The following GNAQ variants were observed in gnomAD, a reference collection of about 807,000 sequenced individuals.
The protein encoded by GNAQ is G protein subunit alpha q, also known as guanine nucleotide-binding protein G(q) subunit alpha.
In GNAQ, 8 loss-of-function variants were observed where a neutral mutation model predicts 43.9. That is an observed-to-expected ratio of 0.18 (90% CI 0.11 to 0.33). GNAQ has a LOEUF of 0.33. Ranked by LOEUF, GNAQ falls within the 10% of genes least tolerant of loss-of-function variation. GNAQ has a pLI of 1.00. For synonymous variants in GNAQ, 155 were observed against 170.7 expected, an observed-to-expected ratio of 0.91 and a Z score of 0.71; for missense variants, 158 against 450.8, an observed-to-expected ratio of 0.35 and a Z score of 5.88.
At chr9:78,011,467 C>G (rs1823771824) in intron 1 of GNAQ, among the ~76,000 whole-genome samples, 1 of 152,146 alleles carries the variant, frequency 6.6e-6, no homozygotes, top group East Asian at 1.9e-4. Context: ...AAGGTTTACT[C>G]TAGAAAACAG....
chr9:77,876,880 ACTTT>A (rs762600897), intron 2 of GNAQ, among the ~76,000 whole-genome samples: 19 of 152,172 alleles, frequency 1.2e-4, no homozygotes, highest in East Asian at 1.9e-4. Context: ...TCTCAACTTG[ACTTT>A]CTTTATCTCT....
chr9:77,864,693 A>T (rs563556173), intron 2 of GNAQ, among the ~76,000 whole-genome samples: 3 of 152,292 alleles, frequency 2.0e-5, no homozygotes, highest in East Asian at 3.9e-4. Context: ...TTGGGTTTTG[A>T]CCAGTAAGAC....
intron 1 of GNAQ, among the ~76,000 whole-genome samples, chr9:77,982,014 G>A (rs184241842): frequency 8.8e-4 from 134 of 152,206 alleles, no homozygotes; most frequent in African/African-American, 3.2e-3. Context: ...AAAGTCTCTT[G>A]GTATCTGATT....
chr9:77,728,737 TTATTTTA>T, intron 5 of GNAQ, 70 bp from the exon 6 acceptor site: 1 of 1,122,886 alleles, frequency 8.9e-7, no homozygotes, highest in Non-Finnish European at 1.3e-6. Flanking sequence ...TGAATTGTGT[TTATTTTA>T]TAAGTCCAAC....
At chr9:78,022,893 A>G (rs1443551651) in intron 1 of GNAQ, among the ~76,000 whole-genome samples, 1 of 152,234 alleles carries the variant, frequency 6.6e-6, no homozygotes, top group African/African-American at 2.4e-5. Flanking sequence ...TAACAAAAGT[A>G]AAGGCCACTG....
chr9:77,990,317 G>T (rs1564172149), intron 1 of GNAQ, among the ~76,000 whole-genome samples: 2 of 152,150 alleles, frequency 1.3e-5, no homozygotes, highest in Non-Finnish European at 2.9e-5. Context: ...GAACTCCTGG[G>T]TTCAATCTTC....
At chr9:77,887,392 T>A (rs891048472) in intron 2 of GNAQ, among the ~76,000 whole-genome samples, 1 of 152,246 alleles carries the variant, frequency 6.6e-6, no homozygotes, top group African/African-American at 2.4e-5. Flanking sequence ...GATTTAATAC[T>A]CCTTTTACCT....
rs1824065236 is a variant in GNAQ, at chr9:78,031,710, C to G, written c.-475G>C. 6.8e-6 allele frequency among the ~76,000 whole-genome samples: 1 copy of G among 147,594 alleles called. No individual in the cohort carries two copies. Among genetic ancestry groups the G allele is most frequent in the Non-Finnish European group, 1.5e-5 (1 of 66,286 alleles). ...GACGGCTCCCCGCGCCCGGCGCGCC[C>G]GCTCCTCGCCGCCGCCTGACACGGC... On this transcript the variant is annotated 5_prime_UTR_variant, in exon 1 of 7. Transcript: ENST00000286548.
chr9:77,745,059 A>C (rs1361853327), intron 5 of GNAQ, among the ~76,000 whole-genome samples: 2 of 152,216 alleles, frequency 1.3e-5, no homozygotes, highest in African/African-American at 4.8e-5. Flanking sequence ...TGTGTGAGTA[A>C]ATGATAGGCT....
intron 3 of GNAQ, 90 bp downstream of exon 3, chr9:77,815,517 TGACATATAC>T: frequency 2.8e-6 from 2 of 704,206 alleles, no homozygotes; most frequent in Non-Finnish European, 2.3e-6. Flanking sequence ...TAATCATATA[TGACATATAC>T]AGGACAGAAT....
chr9:77,741,859 A>G (rs1825658363), intron 5 of GNAQ, among the ~76,000 whole-genome samples: 1 of 152,206 alleles, frequency 6.6e-6, no homozygotes, highest in African/African-American at 2.4e-5. Context: ...TGATTCTTCC[A>G]GGAGAATGAC....
At chr9:77,903,910 C>A (rs1437513143) in intron 2 of GNAQ, among the ~76,000 whole-genome samples, 1 of 145,790 alleles carries the variant, frequency 6.9e-6, no homozygotes, top group African/African-American at 2.5e-5. Flanking sequence ...CTACACATAC[C>A]TTCCATATTT....
chr9:77,885,096 C>T (rs556615939), intron 2 of GNAQ, among the ~76,000 whole-genome samples: 3 of 152,102 alleles, frequency 2.0e-5, no homozygotes, highest in South Asian at 2.1e-4. Flanking sequence ...AACAGAGTTT[C>T]GGATGGGTTT....
rs531622228 is a variant in GNAQ, at chr9:77,883,458, GTT to G, written c.321+38701_321+38702del. 1.7e-3 allele frequency among the ~76,000 whole-genome samples: 238 copies of G among 138,882 alleles called. 3 individuals are homozygous for G. Among genetic ancestry groups the G allele is most frequent in the Admixed American group, 0.012 (170 of 13,890 alleles). The allele number at this position is 138,882 out of a possible 152,430, so 91.1% of individuals were successfully genotyped here. A position where few individuals can be genotyped will look rare whatever the true frequency, so the allele number is the denominator to read the frequency against. On this transcript the variant is annotated intron_variant, in intron 2 of 6. Transcript: ENST00000286548. Reference sequence around the variant, plus strand: ...CTTCTGACAGAGAAAAAAGGGGGTAGTTTTTTTTTTTTTTTTCCAAACCTTAG... The same window carrying G: ...CTTCTGACAGAGAAAAAAGGGGGTAGTTTTTTTTTTTTTTCCAAACCTTAG...
At chr9:77,910,926 GTTC>G (rs764252805) in intron 2 of GNAQ, among the ~76,000 whole-genome samples, 19 of 152,134 alleles carry the variant, frequency 1.2e-4, no homozygotes, top group Non-Finnish European at 1.5e-4. Context: ...CAGTAGTTGT[GTTC>G]TTGTGTGTAT....
chr9:77,741,120 C>T (rs1825647572), intron 5 of GNAQ, among the ~76,000 whole-genome samples: 1 of 152,056 alleles, frequency 6.6e-6, no homozygotes, highest in South Asian at 2.1e-4. Flanking sequence ...GCTAAGTGTA[C>T]AATAACAGAC....
intron 1 of GNAQ, among the ~76,000 whole-genome samples, chr9:77,948,944 C>T (rs1424072740): frequency 6.6e-6 from 1 of 152,252 alleles, no homozygotes. Flanking sequence ...TTGATACAGA[C>T]AGCCCACTTC....
chr9:77,846,988 T>C (rs1827597000), intron 2 of GNAQ, among the ~76,000 whole-genome samples: 1 of 152,162 alleles, frequency 6.6e-6, no homozygotes, highest in African/African-American at 2.4e-5. Flanking sequence ...TGACCTACCC[T>C]GTCCTGAAAG....
At chr9:77,951,440 T>C (rs1414971385) in intron 1 of GNAQ, among the ~76,000 whole-genome samples, 1 of 152,160 alleles carries the variant, frequency 6.6e-6, no homozygotes. Flanking sequence ...AAAGATATGT[T>C]TGGACTCATC....
Sources: allele counts gnomAD v4.1 joint callset (sites outside exome capture counted in the v4.1 genomes callset), GRCh38; gene constraint gnomAD v4.1.1; transcripts MANE v1.5; gene names NCBI Gene and HGNC (gene_info 2026-07-23, HGNC 2026-07-21).